Variants in PRR16 observed in about 807,000 individuals in gnomAD.
The protein encoded by PRR16 is protein Largen.
In PRR16, 6 loss-of-function variants were observed where a neutral mutation model predicts 18.2. That is an observed-to-expected ratio of 0.33 (90% CI 0.18 to 0.65). The LOEUF (loss-of-function observed/expected upper bound fraction) is 0.65. Among genes scored for constraint, PRR16 ranks in the 30% least tolerant of loss-of-function variants. PRR16 has a pLI of 0.74. For missense variants in PRR16, 412 were observed against 376.6 expected (o/e 1.09, Z -0.78); for synonymous variants, 151 against 147.8 (o/e 1.02, Z -0.16).
At chr5:120,790,461 A>C in the PRR16 span, 1 of 152,162 alleles carries the variant, frequency 6.6e-6, no homozygotes, top group Non-Finnish European at 1.5e-5. Context: ...ATATGTAGAC[A>C]AAAAGAAAAC....
chr5:120,601,258 A>C (rs1454976039), intron 1 of PRR16, among the ~76,000 whole-genome samples: 1 of 151,990 alleles, frequency 6.6e-6, no homozygotes, highest in Non-Finnish European at 1.5e-5. Context: ...CTTTTTAATA[A>C]CAGCCCTTCT....
intron 1 of PRR16, chr5:120,531,712 T>C (rs1390366281): frequency 6.6e-6 from 1 of 152,070 alleles, no homozygotes; most frequent in Non-Finnish European, 1.5e-5. Flanking sequence ...ACTCCCTAGA[T>C]TGGCATGCAT....
At chr5:120,753,956 A>G in the PRR16 span, among the ~76,000 whole-genome samples, 25 of 120,892 alleles carry the variant, frequency 2.1e-4, no homozygotes, top group South Asian at 5.5e-3. Flanking sequence ...GTTATATATT[A>G]TATATAATAT....
chr5:120,598,893 TTAAG>T (rs1478617158), intron 1 of PRR16, among the ~76,000 whole-genome samples: 1 of 151,908 alleles, frequency 6.6e-6, no homozygotes, highest in Non-Finnish European at 1.5e-5. Flanking sequence ...ATTAATGTAA[TTAAG>T]TTAGCTTACT....
At chr5:120,559,382 A>G (rs62376398) in intron 1 of PRR16, among the ~76,000 whole-genome samples, 71,941 of 151,676 alleles carry the variant, frequency 0.47, 17,464 homozygotes, top group Middle Eastern at 0.55. Flanking sequence ...CAGTTTTCTC[A>G]GTACCACTTA....
chr5:120,556,920 A>C (rs571286182), intron 1 of PRR16, among the ~76,000 whole-genome samples: 4 of 151,796 alleles, frequency 2.6e-5, no homozygotes, highest in Non-Finnish European at 5.9e-5. Context: ...GAGTTCCCAT[A>C]AATAACCAGT....
the PRR16 span, among the ~76,000 whole-genome samples, chr5:120,748,893 A>G: frequency 6.6e-6 from 1 of 152,144 alleles, no homozygotes; most frequent in Admixed American, 6.5e-5. Flanking sequence ...TTTAAGGGAA[A>G]AGATACAAAT....
intron 1 of PRR16, among the ~76,000 whole-genome samples, chr5:120,572,056 A>G (rs1186223966): frequency 6.6e-6 from 1 of 152,162 alleles, no homozygotes; most frequent in Non-Finnish European, 1.5e-5. Context: ...ATCCCGAAAG[A>G]CCAGAAGTGG....
At chr5:120,752,740 G>C in the PRR16 span, among the ~76,000 whole-genome samples, 2 of 151,668 alleles carry the variant, frequency 1.3e-5, no homozygotes, top group African/African-American at 4.8e-5. Flanking sequence ...TTTCTTCGTA[G>C]GTTTATAAAT....
chr5:120,753,540 G>A, the PRR16 span, among the ~76,000 whole-genome samples: 1 of 151,738 alleles, frequency 6.6e-6, no homozygotes, highest in Admixed American at 6.6e-5. Flanking sequence ...ATCTATATCT[G>A]TGTGTTTATT....
intron 1 of PRR16, among the ~76,000 whole-genome samples, chr5:120,615,592 A>C (rs1242983623): frequency 6.6e-6 from 1 of 151,996 alleles, no homozygotes; most frequent in African/African-American, 2.4e-5. Context: ...AAATATGATT[A>C]GAAAATTTGA....
chr5:120,789,760 T>C, the PRR16 span, among the ~76,000 whole-genome samples: 1 of 152,104 alleles, frequency 6.6e-6, no homozygotes, highest in African/African-American at 2.4e-5. Flanking sequence ...TATAAAATAA[T>C]ATATACAATT....
intron 1 of PRR16, among the ~76,000 whole-genome samples, chr5:120,624,869 G>A (rs941457344): frequency 6.6e-6 from 1 of 152,126 alleles, no homozygotes; most frequent in East Asian, 1.9e-4. Context: ...TTCCTTCACT[G>A]TTCTCGTGAT....
At chr5:120,735,920 C>A in the PRR16 span, among the ~76,000 whole-genome samples, 29 of 152,172 alleles carry the variant, frequency 1.9e-4, no homozygotes, top group East Asian at 5.0e-3. Context: ...AGCTTTTCTC[C>A]TATGTTTGCT....
chr5:120,724,912 T>G, the PRR16 span, among the ~76,000 whole-genome samples: 1 of 151,880 alleles, frequency 6.6e-6, no homozygotes, highest in Non-Finnish European at 1.5e-5. Context: ...GGAGGACATA[T>G]GAAAATTAAA....
At chr5:120,516,270 C>T (rs1025903498) in intron 1 of PRR16, among the ~76,000 whole-genome samples, 7 of 152,036 alleles carry the variant, frequency 4.6e-5, no homozygotes, top group African/African-American at 1.7e-4. Context: ...CCAAAAAATA[C>T]AAAAATTAGC....
chr5:120,648,489 A>G (rs1755670135), intron 1 of PRR16, among the ~76,000 whole-genome samples: 1 of 152,146 alleles, frequency 6.6e-6, no homozygotes, highest in Non-Finnish European at 1.5e-5. Context: ...TAAGCTCAGT[A>G]TAGAAGCTTT....
At chr5:120,762,749 G>A in the PRR16 span, among the ~76,000 whole-genome samples, 1 of 101,420 alleles carries the variant, frequency 9.9e-6, no homozygotes, top group Non-Finnish European at 2.3e-5. Context: ...TTTGTTGACT[G>A]TTTCCTTTGT....
chr5:120,792,987 T>C, the PRR16 span, among the ~76,000 whole-genome samples: 1 of 151,698 alleles, frequency 6.6e-6, no homozygotes, highest in Non-Finnish European at 1.5e-5. Context: ...ATCCTGTCTC[T>C]ACAAAAAATA....
Sources: allele counts gnomAD v4.1 joint callset (sites outside exome capture counted in the v4.1 genomes callset), GRCh38; gene constraint gnomAD v4.1.1; transcripts MANE v1.5; gene names NCBI Gene and HGNC (gene_info 2026-07-23, HGNC 2026-07-21).